The following TF variants were observed in gnomAD, a reference collection of about 807,000 sequenced individuals.
TF encodes serotransferrin.
In TF, 55 loss-of-function variants were observed where a neutral mutation model predicts 82.4. That is an observed-to-expected ratio of 0.67 (90% CI 0.54 to 0.84). The LOEUF is 0.84. TF is among the 40% of genes least tolerant of loss of function. TF has a pLI of 0.00. For synonymous variants in TF, 332 were observed against 332.6 expected (o/e 1.00, Z 0.02); for missense variants, 737 against 868.4 (o/e 0.85, Z 1.90).
chr3:133,740,478 A>G, the TF span, among the ~76,000 whole-genome samples: 3 of 152,052 alleles, frequency 2.0e-5, no homozygotes, highest in African/African-American at 7.2e-5. Context: ...CTACAGGTAC[A>G]TGCTACCATG....
In TF at chr3:133,784,421, TA is replaced by T. The variant is rs1934597882; in HGVS notation, c.*5802del. On this transcript the variant is annotated 3_prime_UTR_variant, in exon 17 of 17. Transcript: ENST00000402696. ...TTCTAGGTGTAAAGAGGTTGTGACTTATGATAGAGTTAGAAAATCACACATC... is the reference window on the plus strand; with the variant it reads ...TTCTAGGTGTAAAGAGGTTGTGACTTTGATAGAGTTAGAAAATCACACATC... 1 of 150,874 alleles carries T rather than the reference TA, an allele frequency of 6.6e-6. No homozygotes were observed. Among genetic ancestry groups the T allele is most frequent in the African/African-American group, 2.4e-5 (1 of 41,000 alleles). The allele number at this position is 150,874 out of a possible 1,614,324, so 9.3% of individuals were successfully genotyped here.
At chr3:133,775,325 G>A in intron 14 of TF, 108 bp from the exon 15 acceptor site, 1 of 1,149,516 alleles carries the variant, frequency 8.7e-7, no homozygotes, top group South Asian at 1.2e-5. Context: ...GGGCACTTCT[G>A]CTGGCGAGAA....
intron 6 of TF, 43 bp downstream of exon 6, chr3:133,756,380 G>A (rs375545450): frequency 2.5e-6 from 4 of 1,595,110 alleles, no homozygotes; most frequent in Non-Finnish European, 3.4e-6. Flanking sequence ...TCCAAGTAGT[G>A]GGTGTTCTTT....
the TF span, among the ~76,000 whole-genome samples, chr3:133,671,143 A>G: frequency 6.6e-6 from 1 of 152,228 alleles, no homozygotes. Context: ...CTGTAACAAA[A>G]CTTAATATCT....
chr3:133,723,619 C>A, the TF span, among the ~76,000 whole-genome samples: 1 of 141,360 alleles, frequency 7.1e-6, no homozygotes, highest in African/African-American at 2.7e-5. Flanking sequence ...TTTCAGTTCA[C>A]AATATCTGTT....
At chr3:133,710,706 C>T in the TF span, among the ~76,000 whole-genome samples, 1 of 152,208 alleles carries the variant, frequency 6.6e-6, no homozygotes, top group Non-Finnish European at 1.5e-5. Flanking sequence ...ATGGTCTCAA[C>T]CCTCAGTTAT....
Position 133,768,064 on chromosome 3 carries a change from A to G in TF, c.1522A>G (p.Lys508Glu). Residue 508 changes from lysine to glutamate, a missense_variant, in exon 13 of 17, where the codon AAG becomes GAG. Transcript: ENST00000402696. ...FFSEGCAPGS[K>E]KDSSLCKLCM... ...CAGTGAAGGTTGTGCCCCTGGGTCT[A>G]AGAAAGACTCCAGTCTCTGTAAGCT... 6.2e-7 allele frequency: 1 copy of G among 1,614,188 alleles called. No homozygotes were observed. Among genetic ancestry groups the G allele is most frequent in the Non-Finnish European group, 8.5e-7 (1 of 1,180,016 alleles).
At chr3:133,674,450 C>T in the TF span, among the ~76,000 whole-genome samples, 30 of 152,342 alleles carry the variant, frequency 2.0e-4, no homozygotes, top group Admixed American at 9.1e-4. Context: ...GCACAAGCTG[C>T]TCGCTGGCTG....
chr3:133,734,503 T>C, the TF span, among the ~76,000 whole-genome samples: 1 of 152,088 alleles, frequency 6.6e-6, no homozygotes, highest in Admixed American at 6.6e-5. Context: ...CTAGATAATG[T>C]CAGTAACTGG....
At chr3:133,770,074 T>C (rs960682589) in intron 13 of TF, among the ~76,000 whole-genome samples, 2 of 152,194 alleles carry the variant, frequency 1.3e-5, no homozygotes, top group African/African-American at 2.4e-5. Flanking sequence ...TAAAATTCTT[T>C]TTCAAAGGAA....
At chr3:133,740,763 T>A in the TF span, among the ~76,000 whole-genome samples, 6 of 152,192 alleles carry the variant, frequency 3.9e-5, no homozygotes, top group African/African-American at 1.4e-4. Context: ...CAATATCAAG[T>A]CTTCCACTCC....
Position 133,777,241 on chromosome 3 carries a change from G to A in TF, c.2062+3G>A, listed in dbSNP as rs1267510603. ...CCTGAGAAAATGCTCCACCTCATGT[G>A]AGTAGGAGGAACAGCATGGGGAAGT... On this transcript the variant is annotated splice_donor_region_variant and intron_variant, in intron 16 of 16. Transcript: ENST00000402696. 4 of 1,611,242 alleles carry A rather than the reference G, an allele frequency of 2.5e-6. No individual in the cohort carries two copies. In the South Asian group the frequency reaches 4.4e-5, roughly 18 times the overall value.
rs752988188 is a variant in TF at position 133,775,615 on chromosome 3, C to T, written c.1870C>T (p.Gln624Ter). 1.2e-6 allele frequency: 2 copies of T among 1,613,946 alleles called. No homozygotes were observed. The highest frequency in any genetic ancestry group is 1.7e-6 in the Non-Finnish European group (2 of 1,179,994). The change falls in exon 15 of 17, where the codon CAG becomes TAG. Residue 624 changes from glutamine to a stop codon, truncating the protein, a stop_gained and splice_region_variant. Coordinates refer to ENST00000402696, the MANE Select transcript of TF (RefSeq NM_001063.4). LOFTEE classifies it high-confidence loss of function. Reference protein sequence around the residue: ...ACVHKILRQQQHLFGSNVTDC... With the variant: ...ACVHKILRQQ ...CGTCCACAAGATATTACGTCAACAG[C>T]AGGTATGGACCAGCCAGGTCCTCCC...
chr3:133,677,562 G>A, the TF span, among the ~76,000 whole-genome samples: 3 of 152,140 alleles, frequency 2.0e-5, no homozygotes, highest in South Asian at 2.1e-4. Flanking sequence ...GCTTGAACCC[G>A]GGAGGCGGAG....
chr3:133,742,993 ATCTCTT>A (rs565750268), upstream of TF, among the ~76,000 whole-genome samples: 89 of 152,146 alleles, frequency 5.8e-4, 1 homozygote, highest in East Asian at 6.8e-3. Flanking sequence ...TCCTCTATCA[ATCTCTT>A]TCTCTTTCTC....
the TF span, among the ~76,000 whole-genome samples, chr3:133,730,734 A>AAC: frequency 6.6e-6 from 1 of 152,184 alleles, no homozygotes; most frequent in Non-Finnish European, 1.5e-5. Context: ...TCATTCTAGT[A>AAC]ACACACACAC....
At chr3:133,709,803 G>A in the TF span, 1 of 152,448 alleles carries the variant, frequency 6.6e-6, no homozygotes, top group Non-Finnish European at 1.5e-5. Context: ...AGAAATTGTG[G>A]GCGAGCCTCA....
the TF span, among the ~76,000 whole-genome samples, chr3:133,677,653 TA>T: frequency 2.0e-5 from 3 of 151,772 alleles, no homozygotes; most frequent in Non-Finnish European, 4.4e-5. Context: ...CAAAAAACAA[TA>T]AACAAAACAC....
chr3:133,716,100 GT>G, the TF span, among the ~76,000 whole-genome samples: 1 of 151,758 alleles, frequency 6.6e-6, no homozygotes. Context: ...TCTTTTGCTG[GT>G]TCTGTCCACT....
Sources: gnomAD v4.1 joint callset for allele counts (sites outside exome capture counted in the v4.1 genomes callset) on GRCh38, gnomAD v4.1.1 for gene constraint, MANE v1.5 for transcripts, NCBI Gene and HGNC (gene_info 2026-07-23, HGNC 2026-07-21) for gene names.